The following CADPS2 variants were observed in gnomAD, a reference collection of about 807,000 sequenced individuals.
The protein encoded by CADPS2 is calcium dependent secretion activator 2, also known as calcium-dependent secretion activator 2.
CADPS2 carries 93 observed loss-of-function variants against 172.5 expected under a neutral mutation model. The observed-to-expected ratio is 0.54, with a 90% CI of 0.46 to 0.64. The LOEUF is 0.64. Ranked by LOEUF, CADPS2 falls within the 30% of genes least tolerant of loss-of-function variation. The pLI, the probability that CADPS2 is intolerant of heterozygous loss-of-function variation, is 0.00. For missense variants in CADPS2, 1,420 were observed against 1,565.9 expected, an observed-to-expected ratio of 0.91 and a Z score of 1.57; for synonymous variants, 546 against 555.2, an observed-to-expected ratio of 0.98 and a Z score of 0.23.
intron 6 of CADPS2, among the ~76,000 whole-genome samples, chr7:122,592,340 A>G (rs570896633): frequency 6.6e-6 from 1 of 152,258 alleles, no homozygotes; most frequent in East Asian, 1.9e-4. Flanking sequence ...AGGAAACAAC[A>G]GGTGCTGGAG....
intron 1 of CADPS2, among the ~76,000 whole-genome samples, chr7:122,754,282 T>C (rs1214391607): frequency 1.3e-5 from 2 of 152,206 alleles, no homozygotes; most frequent in African/African-American, 2.4e-5. Context: ...TATCAGTTGG[T>C]ATTTCTTTAT....
chr7:122,554,599 T>C lies in CADPS2; in HGVS notation c.1426A>G (p.Ile476Val), dbSNP rs1264977143. The C allele has an allele frequency of 1.2e-6, 2 of 1,612,160 alleles. No homozygotes were observed. The highest frequency in any genetic ancestry group is 8.5e-7 in the Non-Finnish European group (1 of 1,178,994). ...PKNSQDSDLK[I>V]KLAVRMDKPA... ...TTATCCATTCGCACTGCCAGTTTGA[T>C]TTTTAAGTCAGAATCCTGGCTATTT... Residue 476 changes from isoleucine to valine, a missense_variant, in exon 8 of 30, where the codon ATC becomes GTC. Transcript: ENST00000449022.
At chr7:122,388,458 T>G (rs2043957895) in intron 23 of CADPS2, 125 bp downstream of exon 23, 2 of 993,756 alleles carry the variant, frequency 2.0e-6, no homozygotes, top group Non-Finnish European at 2.8e-6. Flanking sequence ...CTAATACTCA[T>G]TAAATGTTGG....
chr7:122,797,096 A>G (rs1796540724), intron 1 of CADPS2, among the ~76,000 whole-genome samples: 2 of 151,656 alleles, frequency 1.3e-5, no homozygotes, highest in African/African-American at 2.4e-5. Context: ...CAATCATATG[A>G]AAAAAAAAGC....
chr7:122,735,999 T>C (rs1045090767), intron 2 of CADPS2, among the ~76,000 whole-genome samples: 2 of 152,202 alleles, frequency 1.3e-5, no homozygotes, highest in African/African-American at 4.8e-5. Flanking sequence ...AAGGTCCAGT[T>C]GGACATACCC....
At chr7:122,521,149 T>C (rs932138460) in intron 8 of CADPS2, among the ~76,000 whole-genome samples, 4 of 152,078 alleles carry the variant, frequency 2.6e-5, no homozygotes, top group African/African-American at 4.8e-5. Flanking sequence ...TCAGTCAAGG[T>C]TGAAAGAGCA....
At chr7:122,781,944 T>C (rs2139414385) in intron 1 of CADPS2, among the ~76,000 whole-genome samples, 1 of 152,198 alleles carries the variant, frequency 6.6e-6, no homozygotes, top group East Asian at 1.9e-4. Flanking sequence ...TACATGCTAC[T>C]GAATCTTTCA....
chr7:122,508,920 G>T (rs1235658301), intron 9 of CADPS2, among the ~76,000 whole-genome samples: 2 of 151,994 alleles, frequency 1.3e-5, no homozygotes, highest in Admixed American at 6.6e-5. Flanking sequence ...AAATTGCATG[G>T]TTTGATTTTT....
At chr7:122,806,580 C>T (rs973454065) in intron 1 of CADPS2, among the ~76,000 whole-genome samples, 9 of 152,164 alleles carry the variant, frequency 5.9e-5, no homozygotes, top group Non-Finnish European at 1.2e-4. Context: ...TTAACAACAA[C>T]CCGAATGATT....
chr7:122,674,580 TG>T, intron 2 of CADPS2, among the ~76,000 whole-genome samples: 1 of 152,212 alleles, frequency 6.6e-6, no homozygotes, highest in Non-Finnish European at 1.5e-5. Context: ...AAACTATATC[TG>T]CCAAAAGTAA....
At chr7:122,820,347 C>T (rs944321353) in intron 1 of CADPS2, among the ~76,000 whole-genome samples, 1 of 152,024 alleles carries the variant, frequency 6.6e-6, no homozygotes, top group Non-Finnish European at 1.5e-5. Context: ...CATCTGTTAC[C>T]TATCTTGGCA....
At chr7:122,586,201 C>A (rs576597422) in intron 6 of CADPS2, among the ~76,000 whole-genome samples, 1 of 151,806 alleles carries the variant, frequency 6.6e-6, no homozygotes, top group African/African-American at 2.4e-5. Context: ...AAATGGAGTA[C>A]CTTTTATGTG....
intron 2 of CADPS2, among the ~76,000 whole-genome samples, chr7:122,716,292 T>C (rs1255388657): frequency 6.6e-6 from 1 of 152,100 alleles, no homozygotes; most frequent in African/African-American, 2.4e-5. Flanking sequence ...ATCTAACATG[T>C]GGCATATGTA....
At chr7:122,375,864 G>A (rs555371649) in intron 25 of CADPS2, among the ~76,000 whole-genome samples, 104 of 149,772 alleles carry the variant, frequency 6.9e-4, no homozygotes, top group South Asian at 1.5e-3. Context: ...CTATTTGTCT[G>A]ATAAGGAGTT....
intron 2 of CADPS2, among the ~76,000 whole-genome samples, chr7:122,686,092 T>G (rs561818822): frequency 2.6e-5 from 4 of 152,344 alleles, no homozygotes; most frequent in Admixed American, 2.6e-4. Flanking sequence ...TATCAGATCT[T>G]TAGTGAATAT....
At chr7:122,394,870 C>T (rs1294051022) in intron 20 of CADPS2, among the ~76,000 whole-genome samples, 1 of 152,024 alleles carries the variant, frequency 6.6e-6, no homozygotes, top group Non-Finnish European at 1.5e-5. Flanking sequence ...GGAGTGAAAA[C>T]AGAGAAAAAG....
intron 1 of CADPS2, among the ~76,000 whole-genome samples, chr7:122,781,420 C>T (rs944635141): frequency 6.6e-6 from 1 of 152,074 alleles, no homozygotes; most frequent in Non-Finnish European, 1.5e-5. Flanking sequence ...GTTTGTGTTT[C>T]TACTAGCCCC....
At chr7:122,552,797 A>G (rs1275671466) in intron 8 of CADPS2, among the ~76,000 whole-genome samples, 1 of 114,738 alleles carries the variant, frequency 8.7e-6, no homozygotes. Context: ...TTTTTTTATT[A>G]TTGTGCCATT....
chr7:122,476,970 T>A (rs1355187164), intron 12 of CADPS2, among the ~76,000 whole-genome samples: 4 of 24,562 alleles, frequency 1.6e-4, no homozygotes, highest in Admixed American at 5.3e-4. Flanking sequence ...TGAAATGGGG[T>A]GGCGGGAAGG....
Sources: allele counts gnomAD v4.1 joint callset (sites outside exome capture counted in the v4.1 genomes callset), GRCh38; gene constraint gnomAD v4.1.1; transcripts MANE v1.5; gene names NCBI Gene and HGNC (gene_info 2026-07-23, HGNC 2026-07-21).